The following PDE1C variants were observed in gnomAD, a reference collection of about 807,000 sequenced individuals.
PDE1C encodes dual specificity calcium/calmodulin-dependent 3',5'-cyclic nucleotide phosphodiesterase 1C.
PDE1C carries 62 observed loss-of-function variants against 93.1 expected under a neutral mutation model. The observed-to-expected ratio is 0.67, with a 90% CI of 0.54 to 0.82. The LOEUF is 0.82. PDE1C is among the 40% of genes least tolerant of loss of function. The probability of loss-of-function intolerance (pLI) is 0.00; values close to 1 mark genes in which losing one functional copy is unlikely to be tolerated. For missense variants in PDE1C, 742 were observed against 884.6 expected, an observed-to-expected ratio of 0.84 and a Z score of 2.04; for synonymous variants, 325 against 310.1, an observed-to-expected ratio of 1.05 and a Z score of -0.50.
chr7:31,728,085 T>C, the PDE1C span, among the ~76,000 whole-genome samples: 1 of 152,126 alleles, frequency 6.6e-6, no homozygotes, highest in Non-Finnish European at 1.5e-5. Context: ...CCACTTAAGG[T>C]TGATTTATAG....
intron 1 of PDE1C, among the ~76,000 whole-genome samples, chr7:32,370,076 C>A (rs1364244652): frequency 1.3e-5 from 2 of 152,130 alleles, no homozygotes; most frequent in Non-Finnish European, 2.9e-5. Context: ...GACTTGGAAC[C>A]AACCCAAATG....
At chr7:32,246,135 A>AT (rs996413158) in intron 1 of PDE1C, among the ~76,000 whole-genome samples, 31 of 151,762 alleles carry the variant, frequency 2.0e-4, no homozygotes, top group Admixed American at 3.3e-4. Flanking sequence ...CTCCCAGCTA[A>AT]TTTTTTTATT....
chr7:32,361,641 G>A (rs1009269209), intron 1 of PDE1C, among the ~76,000 whole-genome samples: 1 of 152,180 alleles, frequency 6.6e-6, no homozygotes, highest in African/African-American at 2.4e-5. Context: ...CCTCTTCAAG[G>A]TCCACCTCAG....
intron 2 of PDE1C, among the ~76,000 whole-genome samples, chr7:32,184,316 A>G (rs945209934): frequency 5.6e-4 from 86 of 152,362 alleles, no homozygotes; most frequent in African/African-American, 1.9e-3. Flanking sequence ...CCAAAGGATT[A>G]TAAAACATGC....
intron 1 of PDE1C, chr7:32,298,635 G>T: frequency 6.3e-7 from 1 of 1,595,546 alleles, no homozygotes; most frequent in Non-Finnish European, 8.5e-7. Flanking sequence ...GTCCGAGAGG[G>T]GTGGAAAGTT....
intron 2 of PDE1C, among the ~76,000 whole-genome samples, chr7:32,025,685 T>G (rs1379487118): frequency 6.6e-6 from 1 of 152,132 alleles, no homozygotes; most frequent in East Asian, 1.9e-4. Context: ...GGAGAGGATG[T>G]TAAGATCAGT....
At chr7:31,674,594 A>G in the PDE1C span, among the ~76,000 whole-genome samples, 1 of 152,214 alleles carries the variant, frequency 6.6e-6, no homozygotes, top group Non-Finnish European at 1.5e-5. Context: ...ATGGAACAGA[A>G]TAGAGAACAC....
chr7:32,383,656 G>GATGC (rs1482386766), intron 1 of PDE1C, among the ~76,000 whole-genome samples: 1 of 151,980 alleles, frequency 6.6e-6, no homozygotes, highest in East Asian at 1.9e-4. Context: ...TGGATGGATG[G>GATGC]ATGGATGGAT....
intron 3 of PDE1C, among the ~76,000 whole-genome samples, chr7:32,111,319 C>A (rs1429408069): frequency 6.6e-6 from 1 of 152,150 alleles, no homozygotes; most frequent in Non-Finnish European, 1.5e-5. Flanking sequence ...ACACTAAAGA[C>A]AGTAGGTTTG....
In PDE1C at chr7:32,097,957, G is replaced by A. The variant is rs188141199; in HGVS notation, c.308+71828C>T. Among the ~76,000 whole-genome samples, 460 of 149,746 alleles carry A rather than the reference G, an allele frequency of 3.1e-3. 14 individuals carry two copies. Among genetic ancestry groups the A allele is most frequent in the African/African-American group, 0.011 (431 of 39,234 alleles). On this transcript the variant is annotated intron_variant, in intron 3 of 18. Transcript: ENST00000396193. ...TTTAAAGACATAAATCCGGCCGGGCGCGGTGGCTCACGCCTGTAATCCCAG... is the reference window on the plus strand; with the variant it reads ...TTTAAAGACATAAATCCGGCCGGGCACGGTGGCTCACGCCTGTAATCCCAG...
At chr7:31,749,769 A>C (rs1368958322), downstream of PDE1C, among the ~76,000 whole-genome samples, 2 of 129,212 alleles carry the variant, frequency 1.5e-5, no homozygotes, top group African/African-American at 5.6e-5. Flanking sequence ...ACAGAGTCTC[A>C]CTCTGTCGCA....
chr7:32,256,178 A>T (rs1326168842), intron 1 of PDE1C, among the ~76,000 whole-genome samples: 1 of 152,232 alleles, frequency 6.6e-6, no homozygotes, highest in Non-Finnish European at 1.5e-5. Context: ...ACACAAAAAA[A>T]ATTAATCCTC....
the PDE1C span, among the ~76,000 whole-genome samples, chr7:31,629,694 T>A: frequency 6.6e-6 from 1 of 152,198 alleles, no homozygotes. Flanking sequence ...ATCCTCATAT[T>A]AGATGCCAGA....
At chr7:31,956,484 G>C (rs73686851) in intron 2 of PDE1C, among the ~76,000 whole-genome samples, 2,102 of 150,658 alleles carry the variant, frequency 0.014, 47 homozygotes, top group African/African-American at 0.048. Context: ...ATTATTGTTC[G>C]TTTTGTTTTT....
At chr7:31,716,151 G>T in the PDE1C span, among the ~76,000 whole-genome samples, 1 of 152,206 alleles carries the variant, frequency 6.6e-6, no homozygotes, top group Non-Finnish European at 1.5e-5. Flanking sequence ...GTGGTGCAAA[G>T]TGGAAGGAGG....
intron 2 of PDE1C, chr7:32,209,425 G>GA: frequency 1.5e-6 from 2 of 1,327,336 alleles, no homozygotes; most frequent in Non-Finnish European, 2.1e-6. Flanking sequence ...CCGCATGGGG[G>GA]AAAGATCTCT....
intron 3 of PDE1C, among the ~76,000 whole-genome samples, chr7:32,077,384 G>A (rs114192725): frequency 0.01 from 1,589 of 152,176 alleles, 41 homozygotes; most frequent in African/African-American, 0.036. Flanking sequence ...AGGGATCTAG[G>A]GGTGGGCAGA....
intron 2 of PDE1C, among the ~76,000 whole-genome samples, chr7:31,885,465 C>T (rs1001616508): frequency 2.0e-5 from 3 of 152,134 alleles, no homozygotes; most frequent in East Asian, 1.9e-4. Flanking sequence ...CATTTCTTGG[C>T]GTAAACTGTT....
At chr7:32,247,614 T>C (rs1243512264) in intron 1 of PDE1C, among the ~76,000 whole-genome samples, 3 of 152,362 alleles carry the variant, frequency 2.0e-5, no homozygotes, top group East Asian at 1.9e-4. Context: ...AGGCAGTTAA[T>C]AGAAACTGTA....
Sources: allele counts gnomAD v4.1 joint callset (sites outside exome capture counted in the v4.1 genomes callset), GRCh38; gene constraint gnomAD v4.1.1; transcripts MANE v1.5; gene names NCBI Gene and HGNC (gene_info 2026-07-23, HGNC 2026-07-21).